PLPP1: variants seen among roughly 807,000 people sequenced by gnomAD.
PLPP1 encodes lipid phosphate phosphohydrolase 1a.
In PLPP1, 24 loss-of-function variants were observed where a neutral mutation model predicts 31.2. The ratio of observed to expected loss-of-function variants is 0.77; its 90% CI spans 0.56 to 1.08. The LOEUF is 1.08. PLPP1 is among the 50% of genes least tolerant of loss of function. The pLI, the probability that PLPP1 is intolerant of heterozygous loss-of-function variation, is 0.00. For missense variants in PLPP1, 319 were observed against 342.7 expected (o/e 0.93, Z 0.55); for synonymous variants, 146 against 126.3 (o/e 1.16, Z -1.05).
chr5:55,517,992 G>A (rs1029574620), intron 1 of PLPP1, among the ~76,000 whole-genome samples: 5 of 152,098 alleles, frequency 3.3e-5, no homozygotes, highest in African/African-American at 9.7e-5. Flanking sequence ...GATTATAGGC[G>A]TGAGCCACCA....
At chr5:55,443,430 A>G (rs1276291916) in intron 3 of PLPP1, among the ~76,000 whole-genome samples, 1 of 152,096 alleles carries the variant, frequency 6.6e-6, no homozygotes, top group Non-Finnish European at 1.5e-5. Context: ...AGAATGGATC[A>G]ATACGAATAG....
chr5:55,534,519 A>C, intron 1 of PLPP1, 53 bp downstream of exon 1: 1 of 1,497,538 alleles, frequency 6.7e-7, no homozygotes, highest in South Asian at 1.3e-5. Context: ...TCTGCGCTAA[A>C]GCCCTCCCGG....
intron 1 of PLPP1, among the ~76,000 whole-genome samples, chr5:55,494,758 C>A (rs1427373030): frequency 2.0e-5 from 3 of 152,032 alleles, no homozygotes; most frequent in African/African-American, 7.2e-5. Flanking sequence ...ATGTGTGTGT[C>A]AGCAACTCTG....
intron 2 of PLPP1, 50 bp from the exon 3 acceptor site, chr5:55,468,199 T>TAAACA (rs748379558): frequency 2.1e-6 from 3 of 1,453,010 alleles, no homozygotes; most frequent in East Asian, 4.6e-5. Flanking sequence ...GCAGGCACTT[T>TAAACA]AAACAAAACA....
At chr5:55,515,349 T>TA (rs1753533050) in intron 1 of PLPP1, among the ~76,000 whole-genome samples, 1 of 152,218 alleles carries the variant, frequency 6.6e-6, no homozygotes, top group Non-Finnish European at 1.5e-5. Flanking sequence ...CTGATATCCC[T>TA]AACAGGTCCT....
rs368045819 is a variant in PLPP1 at position 55,444,743 on chromosome 5, T to TG, written c.492-2836_492-2835insC. Reference sequence around the variant, plus strand: ...AAATCACTATGAATGGGATTCTATTTTGTGTGTGTGTGTGTGTGTGTGTGT... The same window carrying TG: ...AAATCACTATGAATGGGATTCTATTTGTGTGTGTGTGTGTGTGTGTGTGTGT... On this transcript the variant is annotated intron_variant, in intron 3 of 5. Transcript: ENST00000307259. Among the ~76,000 whole-genome samples, 137 of 137,364 alleles carry TG rather than the reference T, an allele frequency of 1.0e-3. 1 individual carries two copies. The highest frequency in any genetic ancestry group is 3.4e-3 in the South Asian group (14 of 4,110). 90.1% of individuals were successfully genotyped at this position (137,364 alleles called of 152,430 possible).
intron 1 of PLPP1, among the ~76,000 whole-genome samples, chr5:55,479,687 GTGATCTTGC>G (rs1207758330): frequency 3.3e-5 from 5 of 152,196 alleles, no homozygotes; most frequent in Non-Finnish European, 7.3e-5. Flanking sequence ...AAAGGCCTCA[GTGATCTTGC>G]TGTTTGGGGT....
At chr5:55,425,475 G>A in intron 5 of PLPP1, 141 bp from the exon 6 acceptor site, 1 of 721,984 alleles carries the variant, frequency 1.4e-6, no homozygotes, top group Non-Finnish European at 2.1e-6. Context: ...AAAAATTAGA[G>A]ACTAACTGGG....
intron 4 of PLPP1, among the ~76,000 whole-genome samples, chr5:55,428,707 T>C (rs938992156): frequency 6.6e-6 from 1 of 152,234 alleles, no homozygotes; most frequent in Non-Finnish European, 1.5e-5. Context: ...ACACAGCTCA[T>C]GCTTCAGCGC....
chr5:55,445,897 A>T (rs1240653450), intron 3 of PLPP1, among the ~76,000 whole-genome samples: 3 of 151,960 alleles, frequency 2.0e-5, no homozygotes, highest in Non-Finnish European at 2.9e-5. Context: ...TAAATTGATG[A>T]CTTTTTTTCT....
chr5:55,517,721 C>T (rs576647599), intron 1 of PLPP1, among the ~76,000 whole-genome samples: 1 of 152,368 alleles, frequency 6.6e-6, no homozygotes, highest in African/African-American at 2.4e-5. Flanking sequence ...AATCTCTTTA[C>T]GGGACAGCAA....
At chr5:55,457,134 TG>T (rs1752031537) in intron 3 of PLPP1, among the ~76,000 whole-genome samples, 1 of 148,902 alleles carries the variant, frequency 6.7e-6, no homozygotes, top group Non-Finnish European at 1.5e-5. Flanking sequence ...CACTCCAGGC[TG>T]GGCGACAGAG....
At chr5:55,488,595 G>A (rs1295205755) in intron 1 of PLPP1, among the ~76,000 whole-genome samples, 5 of 151,418 alleles carry the variant, frequency 3.3e-5, no homozygotes, top group African/African-American at 7.3e-5. Context: ...GCACTAAGTC[G>A]AGACTGTGCC....
intron 3 of PLPP1, among the ~76,000 whole-genome samples, chr5:55,443,192 A>AAAAAAAAAAAATATATATAT: frequency 2.4e-4 from 6 of 25,438 alleles, no homozygotes; most frequent in African/African-American, 4.3e-4. Flanking sequence ...AAAAAAAAAA[A>AAAAAAAAAAAATATATATAT]ATATATATAT....
At chr5:55,438,989 C>A (rs149836459) in intron 4 of PLPP1, among the ~76,000 whole-genome samples, 1 of 152,182 alleles carries the variant, frequency 6.6e-6, no homozygotes, top group East Asian at 1.9e-4. Flanking sequence ...ACATCCACAT[C>A]AAGCAAATAT....
intron 3 of PLPP1, among the ~76,000 whole-genome samples, chr5:55,443,192 A>AAAAAAAAAAGAAAATAT: frequency 3.9e-5 from 1 of 25,444 alleles, no homozygotes; most frequent in African/African-American, 1.1e-4. Flanking sequence ...AAAAAAAAAA[A>AAAAAAAAAAGAAAATAT]ATATATATAT....
intron 4 of PLPP1, among the ~76,000 whole-genome samples, chr5:55,426,787 AGGGACT>A (rs1751209153): frequency 6.6e-6 from 1 of 152,122 alleles, no homozygotes; most frequent in Non-Finnish European, 1.5e-5. Flanking sequence ...GGGCCTATCT[AGGGACT>A]ATTTCATTAA....
intron 1 of PLPP1, among the ~76,000 whole-genome samples, chr5:55,533,792 T>A (rs978259697): frequency 6.6e-6 from 1 of 152,180 alleles, no homozygotes; most frequent in Non-Finnish European, 1.5e-5. Context: ...CCATCCCTTA[T>A]CCAAATGATT....
intron 4 of PLPP1, among the ~76,000 whole-genome samples, chr5:55,429,634 C>G (rs1751296477): frequency 6.6e-6 from 1 of 152,112 alleles, no homozygotes; most frequent in African/African-American, 2.4e-5. Context: ...TACAGCAGGG[C>G]ACCATTTTGA....
Sources: gnomAD v4.1 joint callset for allele counts (sites outside exome capture counted in the v4.1 genomes callset) on GRCh38, gnomAD v4.1.1 for gene constraint, MANE v1.5 for transcripts, NCBI Gene and HGNC (gene_info 2026-07-23, HGNC 2026-07-21) for gene names.